OR7E24: variants seen among roughly 807,000 people sequenced by gnomAD.
OR7E24 encodes the protein olfactory receptor family 7 subfamily E member 24.
For missense variants in OR7E24, 385 were observed against 410.3 expected, an observed-to-expected ratio of 0.94 and a Z score of 0.53; for synonymous variants, 130 against 157.5, an observed-to-expected ratio of 0.83 and a Z score of 1.31.
At chr19:9,236,673 A>G in the OR7E24 span, among the ~76,000 whole-genome samples, 1 of 151,926 alleles carries the variant, frequency 6.6e-6, no homozygotes, top group Non-Finnish European at 1.5e-5. Context: ...TTCTCTGCAC[A>G]TAGTCCTTAA....
the OR7E24 span, among the ~76,000 whole-genome samples, chr19:9,231,409 A>G: frequency 1.3e-5 from 2 of 151,826 alleles, no homozygotes; most frequent in Non-Finnish European, 2.9e-5. Context: ...GTGAAACCCC[A>G]TCTCTACTAA....
the OR7E24 span, among the ~76,000 whole-genome samples, chr19:9,226,720 A>C: frequency 6.6e-6 from 1 of 152,202 alleles, no homozygotes; most frequent in African/African-American, 2.4e-5. Context: ...ATTTATTCCC[A>C]ATTAGACAAG....
chr19:9,237,902 T>C, the OR7E24 span, among the ~76,000 whole-genome samples: 1 of 152,214 alleles, frequency 6.6e-6, no homozygotes, highest in Non-Finnish European at 1.5e-5. Flanking sequence ...CTGAGTTTTA[T>C]AGAAGCTGGC....
Position 9,251,384 on chromosome 19 carries a change from G to C in OR7E24, c.341G>C (p.Gly114Ala), listed in dbSNP as rs1413897016. 1 of 1,614,002 alleles carries C rather than the reference G, an allele frequency of 6.2e-7. No individual in the cohort carries two copies. The highest frequency in any genetic ancestry group is 1.1e-5 in the South Asian group (1 of 91,074). The change falls in exon 1 of 1, where the codon GGC (glycine) becomes GCC (alanine). Residue 114 changes from glycine (G) to alanine (A), a missense_variant. Gly to Ala is a moderately conservative substitution (Grantham distance 60, BLOSUM62 0). Coordinates refer to ENST00000456448, the MANE Select transcript of OR7E24 (RefSeq NM_001079935.2). ...CACAGCAGAGTCATCTCCTATGAAG[G>C]CTGCCTGACTCAGATGTCTTTTTTT... ...QTHSRVISYE[G>A]CLTQMSFFVL...
At chr19:9,237,233 C>T in the OR7E24 span, among the ~76,000 whole-genome samples, 3 of 152,066 alleles carry the variant, frequency 2.0e-5, no homozygotes, top group Admixed American at 2.0e-4. Flanking sequence ...TATCCTTCCT[C>T]CTTTCTCCCT....
At chr19:9,239,943 T>C in the OR7E24 span, among the ~76,000 whole-genome samples, 1 of 152,100 alleles carries the variant, frequency 6.6e-6, no homozygotes, top group Non-Finnish European at 1.5e-5. Flanking sequence ...TGACCTCAAG[T>C]GATACACCCG....
At chr19:9,213,299 A>G in the OR7E24 span, 2 of 152,470 alleles carry the variant, frequency 1.3e-5, no homozygotes, top group Admixed American at 1.3e-4. Flanking sequence ...AAAGAGTGGT[A>G]AGAAAACTGA....
At chr19:9,206,899 A>T in the OR7E24 span, 4 of 152,216 alleles carry the variant, frequency 2.6e-5, no homozygotes, top group Non-Finnish European at 5.9e-5. Context: ...CTTACAAATG[A>T]TGATGGCTGG....
the OR7E24 span, among the ~76,000 whole-genome samples, chr19:9,227,755 T>TC: frequency 1.4e-5 from 2 of 140,982 alleles, no homozygotes; most frequent in Admixed American, 7.0e-5. Flanking sequence ...ATTTCTTTTT[T>TC]TTTTTTTTTT....
chr19:9,238,082 G>A, the OR7E24 span, among the ~76,000 whole-genome samples: 1 of 152,034 alleles, frequency 6.6e-6, no homozygotes, highest in African/African-American at 2.4e-5. Context: ...TTTGAAACCA[G>A]CCTGGCCAAC....
upstream of OR7E24, among the ~76,000 whole-genome samples, chr19:9,245,742 A>G (rs569589326): frequency 1.4e-4 from 22 of 152,374 alleles, no homozygotes; most frequent in African/African-American, 5.0e-4. Flanking sequence ...CTCTATTTCA[A>G]TCTATTCCTA....
upstream of OR7E24, among the ~76,000 whole-genome samples, chr19:9,244,888 CA>C (rs1175902184): frequency 2.6e-5 from 4 of 152,194 alleles, no homozygotes; most frequent in African/African-American, 9.6e-5. Flanking sequence ...TACAACTCAG[CA>C]ACCAAACAAA....
chr19:9,218,039 T>G, the OR7E24 span, among the ~76,000 whole-genome samples: 3 of 152,220 alleles, frequency 2.0e-5, no homozygotes, highest in African/African-American at 7.2e-5. Flanking sequence ...TTCCTCCTTG[T>G]CCCTTTCACA....
chr19:9,229,888 C>T, the OR7E24 span, among the ~76,000 whole-genome samples: 1 of 152,114 alleles, frequency 6.6e-6, no homozygotes, highest in South Asian at 2.1e-4. Flanking sequence ...CAGGGACACA[C>T]CATGGAGAAG....
chr19:9,247,841 G>A (rs116975091), upstream of OR7E24, among the ~76,000 whole-genome samples: 502 of 152,110 alleles, frequency 3.3e-3, 12 homozygotes, highest in East Asian at 0.051. Context: ...TTTTTTATTT[G>A]CATGTCCCTG....
the OR7E24 span, chr19:9,235,708 C>A: frequency 6.2e-7 from 1 of 1,603,862 alleles, no homozygotes; most frequent in East Asian, 2.2e-5. Context: ...CAAGGTGGCC[C>A]GCTCTGATGC....
chr19:9,227,347 A>G, the OR7E24 span, among the ~76,000 whole-genome samples: 21 of 150,896 alleles, frequency 1.4e-4, no homozygotes, highest in African/African-American at 5.1e-4. Flanking sequence ...CTCCTGCCTC[A>G]GCCTCCGGAG....
In OR7E24 at chr19:9,251,528, T is replaced by A. The variant is rs773034285; in HGVS notation, c.473T>A (p.Leu158Ter). The A allele has an allele frequency of 6.2e-7, 1 of 1,614,136 alleles. No individual in the cohort carries two copies. The highest frequency in any genetic ancestry group is 2.2e-5 in the East Asian group (1 of 44,886). ...ATGAACCCACGCCTCTGTGGCTTCT[T>A]AATCTTGTTGTCTTTTTTTATTAGT... Residue 158 changes from leucine to a stop codon, truncating the protein, a stop_gained, in exon 2 of 2, where the codon TTA becomes TAA. Transcript: ENST00000641946. LOFTEE classifies it low-confidence loss of function (END_TRUNC).
chr19:9,233,096 C>T, the OR7E24 span, among the ~76,000 whole-genome samples: 2 of 152,152 alleles, frequency 1.3e-5, no homozygotes, highest in African/African-American at 4.8e-5. Context: ...TCCCAGCCTA[C>T]GCTGTCTATT....
Sources: gnomAD v4.1 joint callset for allele counts (sites outside exome capture counted in the v4.1 genomes callset) on GRCh38, gnomAD v4.1.1 for gene constraint, MANE v1.5 for transcripts, NCBI Gene and HGNC (gene_info 2026-07-23, HGNC 2026-07-21) for gene names.